Variants in ABCB11 observed in about 807,000 individuals in gnomAD.
ABCB11 encodes the protein ATP binding cassette subfamily B member 11.
ABCB11 carries 95 observed loss-of-function variants against 148.0 expected under a neutral mutation model. The ratio of observed to expected loss-of-function variants is 0.64; its 90% CI spans 0.54 to 0.76. ABCB11 has a LOEUF of 0.76. ABCB11 is among the 30% of genes least tolerant of loss of function. The probability of loss-of-function intolerance (pLI) is 0.00; values close to 1 mark genes in which losing one functional copy is unlikely to be tolerated. For synonymous variants in ABCB11, 591 were observed against 555.4 expected (o/e 1.06, Z -0.90); for missense variants, 1,523 against 1,617.8 (o/e 0.94, Z 1.01).
intron 21 of ABCB11, among the ~76,000 whole-genome samples, chr2:168,943,666 T>A (rs1326099159): frequency 6.6e-6 from 1 of 152,012 alleles, no homozygotes; most frequent in Non-Finnish European, 1.5e-5. Flanking sequence ...AGTGGCCTAT[T>A]TATAGGGATT....
intron 23 of ABCB11, among the ~76,000 whole-genome samples, chr2:168,934,581 G>GGGA (rs1437636026): frequency 1.3e-5 from 2 of 152,172 alleles, no homozygotes; most frequent in Non-Finnish European, 2.9e-5. Flanking sequence ...GGAGTCAGTT[G>GGGA]GGAGGAGTCA....
intron 26 of ABCB11, among the ~76,000 whole-genome samples, chr2:168,926,537 A>C (rs565536264): frequency 1.3e-5 from 2 of 152,328 alleles, no homozygotes; most frequent in South Asian, 4.1e-4. Context: ...GTGTTTCCCC[A>C]CTATGCTAAA....
intron 13 of ABCB11, 45 bp downstream of exon 13, chr2:168,973,670 A>T (rs1693692610): frequency 6.2e-7 from 1 of 1,602,792 alleles, no homozygotes; most frequent in South Asian, 1.1e-5. Context: ...TGCCATTTGC[A>T]CTTTACTGTC....
At chr2:168,928,324 C>T (rs1280051274) in intron 25 of ABCB11, among the ~76,000 whole-genome samples, 1 of 152,110 alleles carries the variant, frequency 6.6e-6, no homozygotes, top group African/African-American at 2.4e-5. Context: ...ATTGTAAGCT[C>T]CTAGAAGGCA....
intron 6 of ABCB11, among the ~76,000 whole-genome samples, chr2:168,995,727 C>T (rs1694691848): frequency 6.6e-6 from 1 of 151,782 alleles, no homozygotes; most frequent in Non-Finnish European, 1.5e-5. Flanking sequence ...TAAGCAGGCC[C>T]ATGTCTTCTG....
intron 19 of ABCB11, among the ~76,000 whole-genome samples, chr2:168,954,689 A>G (rs1056326386): frequency 6.6e-6 from 1 of 151,710 alleles, no homozygotes; most frequent in African/African-American, 2.4e-5. Context: ...CATTCTGAAC[A>G]TAATATATAA....
At chr2:168,982,489 G>A (rs969104936) in intron 10 of ABCB11, among the ~76,000 whole-genome samples, 2 of 152,086 alleles carry the variant, frequency 1.3e-5, no homozygotes, top group South Asian at 4.1e-4. Context: ...GGAAGGTCAT[G>A]AAAGAACAAC....
intron 1 of ABCB11, among the ~76,000 whole-genome samples, chr2:169,029,780 C>CCGGACTG (rs1431248575): frequency 1.8e-5 from 2 of 109,418 alleles, no homozygotes; most frequent in Middle Eastern, 5.2e-3. Flanking sequence ...GTCGCCCAGG[C>CCGGACTG]CGGACTGCGG....
chr2:168,944,480 G>A, intron 21 of ABCB11, 125 bp downstream of exon 21: 1 of 1,046,212 alleles, frequency 9.6e-7, no homozygotes, highest in East Asian at 2.5e-5. Flanking sequence ...GGAAAATGTG[G>A]CTTTAGGATA....
intron 11 of ABCB11, 29 bp downstream of exon 11, chr2:168,979,837 A>T: frequency 1.5e-6 from 2 of 1,376,550 alleles, no homozygotes; most frequent in Non-Finnish European, 2.0e-6. Context: ...CCCACCTGTT[A>T]ATGGCCTTTA....
intron 18 of ABCB11, among the ~76,000 whole-genome samples, chr2:168,960,131 T>TA (rs1693003381): frequency 6.6e-6 from 1 of 151,500 alleles, no homozygotes; most frequent in Non-Finnish European, 1.5e-5. Flanking sequence ...GGTTGATGAT[T>TA]AAAAAACCAG....
At position 169,001,644 on chromosome 2, in the gene ABCB11, C is replaced by T. The variant is rs567935795; in HGVS notation, c.390-4922G>A. 9.2e-5 allele frequency among the ~76,000 whole-genome samples: 14 copies of T among 152,252 alleles called. 1 individual carries two copies. In the South Asian group the frequency reaches 2.9e-3, roughly 32 times the overall value. On this transcript the variant is annotated intron_variant, in intron 5 of 27. Coordinates refer to ENST00000650372, the MANE Select transcript of ABCB11 (RefSeq NM_003742.4). The stretch of plus-strand genomic sequence containing the variant: ...TCGCTGGCATGGGTGAGAGTGAGGT[C>T]ACCGTTTTCTTCTGTGGTGTTTGGC...
chr2:168,974,727 AAG>A (rs1693739801), intron 12 of ABCB11, among the ~76,000 whole-genome samples: 2 of 151,942 alleles, frequency 1.3e-5, no homozygotes, highest in Non-Finnish European at 2.9e-5. Flanking sequence ...TCACTATTAA[AAG>A]TAATGGCAAA....
At chr2:168,990,654 A>C in intron 9 of ABCB11, 147 bp downstream of exon 9, 1 of 976,818 alleles carries the variant, frequency 1.0e-6, no homozygotes. Flanking sequence ...ACCAACCTAA[A>C]TTACTCTGCT....
intron 19 of ABCB11, among the ~76,000 whole-genome samples, chr2:168,948,281 G>A (rs1161515285): frequency 6.6e-6 from 1 of 151,604 alleles, no homozygotes; most frequent in Non-Finnish European, 1.5e-5. Context: ...CAGGACACAG[G>A]CTTGGATTCT....
In ABCB11 at chr2:168,970,186, T is replaced by C; in HGVS notation, c.1668A>G (p.Gly556=). 1 of 1,612,258 alleles carries C rather than the reference T, an allele frequency of 6.2e-7. No homozygotes were observed. Reference sequence around the variant, plus strand: ...GTTTCTGGCCACCACTCATCTGGCCTCCTCCTTCTCCAACAAGGGTGTCAA... The same window carrying C: ...GTTTCTGGCCACCACTCATCTGGCCCCCTCCTTCTCCAACAAGGGTGTCAA... ...QQFDTLVGEG[G]GQMSGGQKQR... is the part of the protein sequence containing the mutation. The change falls in exon 15 of 28, where the codon GGA becomes GGG. Residue 556 remains glycine (G), a synonymous_variant. Transcript: ENST00000650372.
rs139250976 is a variant in ABCB11, at chr2:169,003,323, CGT to C, written c.390-6603_390-6602del. 9.2e-3 allele frequency among the ~76,000 whole-genome samples: 1,307 copies of C among 141,420 alleles called. 21 individuals carry two copies. Among genetic ancestry groups the C allele is most frequent in the African/African-American group, 0.027 (1,049 of 38,244 alleles). 92.8% of individuals were successfully genotyped at this position (141,420 alleles called of 152,430 possible). On this transcript the variant is annotated intron_variant, in intron 5 of 27. Transcript: ENST00000650372. ...TATGGCTGAGTAGTATTCCATGGTG[CGT>C]GTGTGTGTGTGTGTGTGTGTGTGCA...
rs1692527846 is a variant in ABCB11 at position 168,950,764 on chromosome 2, A to C, written c.2344-5803T>G. On this transcript the variant is annotated intron_variant, in intron 19 of 27. Coordinates refer to ENST00000650372, the MANE Select transcript of ABCB11 (RefSeq NM_003742.4). ...CTGTTGACTGCTTCTTTTGCTGTGC[A>C]AAAGCTTTTTAGCTTAATTTATTCC... Among the ~76,000 whole-genome samples the C allele has an allele frequency of 2.0e-5, 3 of 151,862 alleles. 1 individual carries two copies. The South Asian group carries it at 6.2e-4, about 31-fold the overall frequency.
chr2:168,972,082 T>C, intron 13 of ABCB11, 32 bp from the exon 14 acceptor site: 1 of 1,597,350 alleles, frequency 6.3e-7, no homozygotes, highest in Middle Eastern at 1.7e-4. Context: ...TCACAACTTT[T>C]GGAATCTTTC....
Sources: allele counts gnomAD v4.1 joint callset (sites outside exome capture counted in the v4.1 genomes callset), GRCh38; gene constraint gnomAD v4.1.1; transcripts MANE v1.5; gene names NCBI Gene and HGNC (gene_info 2026-07-23, HGNC 2026-07-21).